The following AKT1S1 variants were observed in gnomAD, a reference collection of about 807,000 sequenced individuals.
AKT1S1 encodes AKT1 substrate 1, also known as proline-rich AKT1 substrate 1.
A neutral mutation model predicts 21.2 loss-of-function variants in AKT1S1; 17 were observed. The observed-to-expected ratio is 0.80, with a 90% CI of 0.55 to 1.20. The LOEUF (loss-of-function observed/expected upper bound fraction) is 1.20, where lower values mean the gene tolerates loss of function less well. Ranked by LOEUF, AKT1S1 falls within the 50% of genes most tolerant of loss-of-function variation. The pLI, the probability that AKT1S1 is intolerant of heterozygous loss-of-function variation, is 0.00. For synonymous variants in AKT1S1, 181 were observed against 165.6 expected, an observed-to-expected ratio of 1.09 and a Z score of -0.72; for missense variants, 366 against 368.3, an observed-to-expected ratio of 0.99 and a Z score of 0.05.
At position 49,869,880 on chromosome 19, in the gene AKT1S1, G is replaced by C; in HGVS notation, c.*37C>G. 6.9e-7 allele frequency: 1 copy of C among 1,442,862 alleles called. No homozygotes were observed. The highest frequency in any genetic ancestry group is 2.9e-5 in the East Asian group (1 of 35,028). The allele number at this position is 1,442,862 out of a possible 1,614,324, so 89.4% of individuals were successfully genotyped here. A position where few individuals can be genotyped will look rare whatever the true frequency, so the allele number is the denominator to read the frequency against. On this transcript the variant is annotated 3_prime_UTR_variant, in exon 5 of 5. Coordinates refer to ENST00000344175, the MANE Select transcript of AKT1S1 (RefSeq NM_001098633.4). ...GTGGGGCGGGGGCGTAGTGTGGGACGGGGCGGACGCGGCCCGGGGCGCTCC... is the reference window on the plus strand; with the variant it reads ...GTGGGGCGGGGGCGTAGTGTGGGACCGGGCGGACGCGGCCCGGGGCGCTCC...
chr19:49,878,246 G>C, upstream of AKT1S1: 1 of 1,555,954 alleles, frequency 6.4e-7, no homozygotes, highest in Non-Finnish European at 8.7e-7. Flanking sequence ...GAAAAGGTGC[G>C]CTGGGAGGGA....
Position 49,873,087 on chromosome 19 carries a change from C to T in AKT1S1, c.209G>A (p.Arg70Lys), listed in dbSNP as rs1262851791. The T allele has an allele frequency of 1.3e-6, 2 of 1,550,910 alleles. No individual in the cohort carries two copies. The highest frequency in any genetic ancestry group is 1.2e-5 in the South Asian group (1 of 84,452). The change falls in exon 2 of 5, where the codon AGG becomes AAG. Residue 70 changes from arginine (R) to lysine (K), a missense_variant. Arg to Lys is a conservative substitution (Grantham distance 26). Coordinates refer to ENST00000344175, the MANE Select transcript of AKT1S1 (RefSeq NM_001098633.4). The surrounding 1 kb of genome is among the most constrained non-coding windows in gnomAD (Gnocchi z 6.9). ...AGGAGGCCGAGCAGCAGTGGCAGCC[C>T]TGTGGGCCAGTGCGATGTCGTGGAG... ...RCLHDIALAH[R>K]AATAARPPAP... is the part of the protein sequence containing the mutation.
In AKT1S1 at chr19:49,869,803, G is replaced by A. The variant is rs1464660374; in HGVS notation, c.*114C>T. The A allele has an allele frequency of 6.9e-6, 8 of 1,159,820 alleles. No homozygotes were observed. The highest frequency in any genetic ancestry group is 9.1e-6 in the Non-Finnish European group (8 of 883,768). 71.8% of individuals were successfully genotyped at this position (1,159,820 alleles called of 1,614,324 possible). On this transcript the variant is annotated 3_prime_UTR_variant, in exon 5 of 5. Transcript: ENST00000344175. ...AGAGGCGGGACAATCTTGGGAATGG[G>A]AGACGCAAGGAGGCCGGTCCCGGAT...
chr19:49,869,559 G>T lies in AKT1S1; in HGVS notation c.*358C>A, dbSNP rs997466301. 1.5e-5 allele frequency: 3 copies of T among 194,682 alleles called. No individual in the cohort carries two copies. Among genetic ancestry groups the T allele is most frequent in the Non-Finnish European group, 1.0e-5 (1 of 95,854 alleles). The allele number at this position is 194,682 out of a possible 1,614,324, so 12.1% of individuals were successfully genotyped here. A position where few individuals can be genotyped will look rare whatever the true frequency, so the allele number is the denominator to read the frequency against. On this transcript the variant is annotated 3_prime_UTR_variant, in exon 5 of 5. Transcript: ENST00000344175. ...CCAATCAAAAAAAGAGCTGTCCAGC[G>T]ACTAGGGGATGGAGCCAATGCCGTG...
intron 2 of AKT1S1, 118 bp from the exon 3 acceptor site, chr19:49,872,007 G>C: frequency 9.0e-7 from 1 of 1,108,138 alleles, no homozygotes; most frequent in Non-Finnish European, 1.3e-6. Flanking sequence ...TGAAGCTTCT[G>C]AGACCCATTT....
In AKT1S1 at chr19:49,876,255, C is replaced by A. The variant is rs541370185; in HGVS notation, c.-8+982G>T. 12 of 1,124,896 alleles carry A rather than the reference C, an allele frequency of 1.1e-5. No individual in the cohort carries two copies. The East Asian group carries it at 3.2e-4, about 30-fold the overall frequency. The allele number at this position is 1,124,896 out of a possible 1,614,324, so 69.7% of individuals were successfully genotyped here. A position where few individuals can be genotyped will look rare whatever the true frequency, so the allele number is the denominator to read the frequency against. ...CTAGGAAGAAAACAGGAAATCCCGC[C>A]CAGACGGAGGCCAGGACCGGAAGTC... On this transcript the variant is annotated intron_variant, in intron 1 of 4. Coordinates refer to ENST00000344175, the MANE Select transcript of AKT1S1 (RefSeq NM_001098633.4).
In AKT1S1 at chr19:49,873,398, C is replaced by T. The variant is rs1445584917; in HGVS notation, c.-7-96G>A. 4.0e-5 allele frequency: 54 copies of T among 1,365,926 alleles called. No homozygotes were observed. Among genetic ancestry groups the T allele is most frequent in the Non-Finnish European group, 5.1e-5 (54 of 1,065,992 alleles). The allele number at this position is 1,365,926 out of a possible 1,614,324, so 84.6% of individuals were successfully genotyped here. A position where few individuals can be genotyped will look rare whatever the true frequency, so the allele number is the denominator to read the frequency against. ...CCGCCCGTCCCCTGGATGGCACTCA[C>T]CACCCTCCACCCACCTTGTCCCAGC... On this transcript the variant is annotated intron_variant, in intron 1 of 4. Transcript: ENST00000344175. This position sits in a 1 kb window ranked among gnomAD's most constrained non-coding sequence, Gnocchi z 6.9.
rs1263727993 is a variant in AKT1S1, at chr19:49,869,901, G to A, written c.*16C>T. 2 of 1,479,202 alleles carry A rather than the reference G, an allele frequency of 1.4e-6. No individual in the cohort carries two copies. Among genetic ancestry groups the A allele is most frequent in the South Asian group, 1.3e-5 (1 of 77,340 alleles). 91.6% of individuals were successfully genotyped at this position (1,479,202 alleles called of 1,614,324 possible). On this transcript the variant is annotated 3_prime_UTR_variant, in exon 5 of 5. Coordinates refer to ENST00000344175, the MANE Select transcript of AKT1S1 (RefSeq NM_001098633.4). Reference sequence around the variant, plus strand: ...GGACGGGGCGGACGCGGCCCGGGGCGCTCCCTCCCTGGACTTCAATATTTC... The same window carrying A: ...GGACGGGGCGGACGCGGCCCGGGGCACTCCCTCCCTGGACTTCAATATTTC...
intron 1 of AKT1S1, chr19:49,876,082 C>T (rs1170472889): frequency 1.0e-5 from 10 of 986,070 alleles, no homozygotes; most frequent in Non-Finnish European, 1.2e-5. Flanking sequence ...GTGGAACCAC[C>T]CCTCCTGTCG....
intron 2 of AKT1S1, 135 bp downstream of exon 2, chr19:49,872,782 G>C: frequency 9.1e-7 from 1 of 1,095,190 alleles, no homozygotes; most frequent in African/African-American, 1.6e-5. Context: ...CCCCAGGCAA[G>C]CCTGTCTGGC....
At chr19:49,872,135 C>T (rs972849584) in intron 2 of AKT1S1, among the ~76,000 whole-genome samples, 2 of 152,238 alleles carry the variant, frequency 1.3e-5, no homozygotes, top group African/African-American at 4.8e-5. Context: ...AACATGAAAC[C>T]TCTACGATCT....
At chr19:49,876,586 ACGC>A in intron 1 of AKT1S1, 1 of 1,504,556 alleles carries the variant, frequency 6.6e-7, no homozygotes, top group Non-Finnish European at 8.9e-7. Flanking sequence ...GCGGTTAACA[ACGC>A]CGCCTCCACT....
At chr19:49,876,359 G>A in intron 1 of AKT1S1, 2 of 1,200,128 alleles carry the variant, frequency 1.7e-6, no homozygotes, top group Non-Finnish European at 2.1e-6. Context: ...CACGGCCCAG[G>A]TAGAGATCCC....
upstream of AKT1S1, chr19:49,877,683 G>C (rs1171488542): frequency 6.3e-7 from 1 of 1,593,910 alleles, no homozygotes; most frequent in African/African-American, 1.3e-5. Context: ...CGCTGACTAG[G>C]AAAAGGAGGA....
intron 1 of AKT1S1, chr19:49,877,036 C>G (rs924069583): frequency 4.5e-6 from 1 of 222,210 alleles, no homozygotes; most frequent in Non-Finnish European, 8.8e-6. Flanking sequence ...TGCTCCCATT[C>G]GGCACGAAGG....
chr19:49,876,624 G>A (rs1377433436), intron 1 of AKT1S1: 10 of 1,530,562 alleles, frequency 6.5e-6, no homozygotes, highest in East Asian at 2.5e-5. Context: ...CAGCATGGCC[G>A]GCCCGGCGCC....
In AKT1S1 at chr19:49,869,625, G is replaced by C. The variant is rs2074858968; in HGVS notation, c.*292C>G. ...TCGCTAGGCGGAAAACAAAGGAGTT[G>C]ACCCATTTAGAGCTTAGAACTCAGC... On this transcript the variant is annotated 3_prime_UTR_variant, in exon 5 of 5. Transcript: ENST00000344175. 3.1e-6 allele frequency: 1 copy of C among 321,490 alleles called. No homozygotes were observed. Among genetic ancestry groups the C allele is most frequent in the East Asian group, 4.9e-5 (1 of 20,344 alleles). The allele number at this position is 321,490 out of a possible 1,614,324, so 19.9% of individuals were successfully genotyped here. A position where few individuals can be genotyped will look rare whatever the true frequency, so the allele number is the denominator to read the frequency against.
chr19:49,871,442 T>C, intron 4 of AKT1S1, 105 bp downstream of exon 4: 1 of 1,472,664 alleles, frequency 6.8e-7, no homozygotes, highest in Non-Finnish European at 9.4e-7. Flanking sequence ...GAGGATTCAG[T>C]TAGCTTATGG....
Position 49,873,559 on chromosome 19 carries a change from G to T in AKT1S1, c.-7-257C>A. 1 of 590,622 alleles carries T rather than the reference G, an allele frequency of 1.7e-6. No individual in the cohort carries two copies. Among genetic ancestry groups the T allele is most frequent in the Non-Finnish European group, 2.6e-6 (1 of 382,812 alleles). The allele number at this position is 590,622 out of a possible 1,614,324, so 36.6% of individuals were successfully genotyped here. ...AAGTCACTGTACTCCTTCCCCTTTGGCCCTGCCCTGGCCTCTGTGGGAGCC... is the reference window on the plus strand; with the variant it reads ...AAGTCACTGTACTCCTTCCCCTTTGTCCCTGCCCTGGCCTCTGTGGGAGCC... On this transcript the variant is annotated intron_variant, in intron 1 of 4. Transcript: ENST00000344175. This position sits in a 1 kb window ranked among gnomAD's most constrained non-coding sequence, Gnocchi z 6.9.
Sources: allele counts gnomAD v4.1 joint callset (sites outside exome capture counted in the v4.1 genomes callset), GRCh38; gene constraint gnomAD v4.1.1; non-coding constraint Gnocchi (gnomAD v3.1); transcripts MANE v1.5; gene names NCBI Gene and HGNC (gene_info 2026-07-23, HGNC 2026-07-21).